The following GDF1 variants were observed in gnomAD, a reference collection of about 807,000 sequenced individuals.
The protein encoded by GDF1 is embryonic growth/differentiation factor 1.
Under a neutral mutation model 7.4 loss-of-function variants are expected in GDF1, and 8 were observed. That is an observed-to-expected ratio of 1.09 (90% CI 0.64 to 1.96). The LOEUF (loss-of-function observed/expected upper bound fraction) is 1.96. Ranked by LOEUF, GDF1 falls within the 30% of genes most tolerant of loss-of-function variation. The pLI, the probability that GDF1 is intolerant of heterozygous loss-of-function variation, is 0.00. For synonymous variants in GDF1, 311 were observed against 276.7 expected (o/e 1.12, Z -1.23); for missense variants, 574 against 551.5 (o/e 1.04, Z -0.41).
chr19:18,881,343 C>T (rs1046914842), intron 3 of GDF1, among the ~76,000 whole-genome samples: 1 of 151,798 alleles, frequency 6.6e-6, no homozygotes, highest in South Asian at 2.1e-4. Flanking sequence ...CCTCAGCCTT[C>T]CCAAGTAGCT....
intron 6 of GDF1, among the ~76,000 whole-genome samples, chr19:18,871,574 T>G (rs949590078): frequency 2.6e-5 from 4 of 152,106 alleles, no homozygotes; most frequent in Non-Finnish European, 5.9e-5. Context: ...GTTGTAGAGG[T>G]GAGGTTGCTA....
chr19:18,885,686 A>AT (rs920494581), intron 2 of GDF1, among the ~76,000 whole-genome samples: 2,360 of 141,260 alleles, frequency 0.017, 61 homozygotes, highest in African/African-American at 0.056. Flanking sequence ...TGCCTGGCTA[A>AT]TTTTTTTTTT....
intron 2 of GDF1, among the ~76,000 whole-genome samples, chr19:18,888,842 C>A (rs562674786): frequency 1.3e-5 from 2 of 150,546 alleles, no homozygotes; most frequent in Non-Finnish European, 3.0e-5. Context: ...AAAAAACAAA[C>A]AACAAACAAA....
intron 2 of GDF1, among the ~76,000 whole-genome samples, chr19:18,893,002 T>C (rs1053873456): frequency 1.4e-5 from 2 of 148,092 alleles, no homozygotes; most frequent in African/African-American, 5.0e-5. Context: ...CTGCAACCTC[T>C]GCCTCCCAGG....
chr19:18,880,349 T>C lies in GDF1; in HGVS notation c.-646A>G. 6.4e-7 allele frequency: 1 copy of C among 1,565,006 alleles called. No individual in the cohort carries two copies. ...CCGATGGTAGGAGCCGCCGCGGGAC[T>C]TGAAGTAAATGTTGAGCTTGGTGAA... On this transcript the variant is annotated 5_prime_UTR_variant, in exon 4 of 8. Transcript: ENST00000247005.
chr19:18,885,182 T>C (rs912093704), intron 2 of GDF1, among the ~76,000 whole-genome samples: 4 of 152,182 alleles, frequency 2.6e-5, no homozygotes, highest in Non-Finnish European at 1.5e-5. Context: ...GACACATTAT[T>C]ATCATTATAT....
chr19:18,880,263 C>CT lies in GDF1; in HGVS notation c.-571+10dup. The CT allele has an allele frequency of 6.5e-7, 1 of 1,545,784 alleles. No individual in the cohort carries two copies. Among genetic ancestry groups the CT allele is most frequent in the Non-Finnish European group, 8.7e-7 (1 of 1,144,604 alleles). ...CACCTCCCTCCCTGCCCAGCACTCC[C>CT]TACCACTCACCAGCTGAAGCCGAAG... is the stretch of plus-strand genomic sequence containing the variant. On this transcript the variant is annotated intron_variant, in intron 4 of 7. Coordinates refer to ENST00000247005, the MANE Select transcript of GDF1 (RefSeq NM_001492.6).
At chr19:18,877,498 C>T (rs377141562) in intron 6 of GDF1, among the ~76,000 whole-genome samples, 13 of 152,294 alleles carry the variant, frequency 8.5e-5, no homozygotes, top group African/African-American at 3.1e-4. Context: ...TGCCTGTAAT[C>T]CCAGCAGCTT....
chr19:18,893,922 T>C (rs954850306), intron 1 of GDF1, among the ~76,000 whole-genome samples: 1 of 146,946 alleles, frequency 6.8e-6, no homozygotes, highest in Admixed American at 6.8e-5. Context: ...GGGGTGACCC[T>C]TGAAGGGAAC....
At chr19:18,879,587 C>T (rs7252796) in intron 4 of GDF1, among the ~76,000 whole-genome samples, 199 bp from the exon 5 acceptor site, 122,542 of 138,080 alleles carry the variant, frequency 0.89, 54,439 homozygotes, top group Admixed American at 0.91. Flanking sequence ...CATCCTTCCC[C>T]GCCTGGCCCC....
chr19:18,895,524 A>T lies in GDF1; in HGVS notation c.-1074+300T>A, dbSNP rs1229900191. ...TGCCTCGGTCCCCCACGTCTCAAAC[A>T]TCCCACCTGTCTCGGGCCCCCCATG... is the stretch of plus-strand genomic sequence containing the variant. On this transcript the variant is annotated intron_variant, in intron 1 of 7. Coordinates refer to ENST00000247005, the MANE Select transcript of GDF1 (RefSeq NM_001492.6). The surrounding 1 kb of genome is among the most constrained non-coding windows in gnomAD (Gnocchi z 6.4). 6.6e-6 allele frequency among the ~76,000 whole-genome samples: 1 copy of T among 151,004 alleles called. No homozygotes were observed. The highest frequency in any genetic ancestry group is 1.5e-5 in the Non-Finnish European group (1 of 67,716).
chr19:18,880,823 G>A (rs1452065192), intron 3 of GDF1, among the ~76,000 whole-genome samples: 2 of 151,960 alleles, frequency 1.3e-5, no homozygotes, highest in African/African-American at 4.8e-5. Flanking sequence ...TCAGCCCCCG[G>A]AGAAGCTGGG....
At position 18,869,472 on chromosome 19, in the gene GDF1, G is replaced by A. The variant is rs1302287824; in HGVS notation, c.326-82C>T. On this transcript the variant is annotated intron_variant, in intron 7 of 7. Transcript: ENST00000247005. Reference sequence around the variant, plus strand: ...GTCTCGGTTAGGGACAGGGAGGAAGGTGAACGCTGGGGCTCGGGGCGCACC... The same window carrying A: ...GTCTCGGTTAGGGACAGGGAGGAAGATGAACGCTGGGGCTCGGGGCGCACC... The A allele has an allele frequency of 4.7e-6, 7 of 1,476,786 alleles. No individual in the cohort carries two copies. In the African/African-American group the frequency reaches 5.7e-5, roughly 12 times the overall value. 91.5% of individuals were successfully genotyped at this position (1,476,786 alleles called of 1,614,324 possible).
intron 2 of GDF1, 59 bp from the exon 3 acceptor site, chr19:18,884,326 A>G: frequency 6.6e-7 from 1 of 1,508,216 alleles, no homozygotes; most frequent in Non-Finnish European, 8.9e-7. Flanking sequence ...GATCGCCTCC[A>G]TGACCCGGTG....
rs1400318570 is a variant in GDF1 at position 18,895,753 on chromosome 19, C to T, written c.-1074+71G>A. On this transcript the variant is annotated intron_variant, in intron 1 of 7. Transcript: ENST00000247005. This position sits in a 1 kb window ranked among gnomAD's most constrained non-coding sequence, Gnocchi z 6.4. Reference sequence around the variant, plus strand: ...GCGCTGGAAGAAAGGAACGCGCCGGCGGCCCCAGGTCCCCGGTCCCGGCTT... The same window carrying T: ...GCGCTGGAAGAAAGGAACGCGCCGGTGGCCCCAGGTCCCCGGTCCCGGCTT... 3 of 847,956 alleles carry T rather than the reference C, an allele frequency of 3.5e-6. No homozygotes were observed. Among genetic ancestry groups the T allele is most frequent in the African/African-American group, 1.9e-5 (1 of 53,366 alleles). The allele number at this position is 847,956 out of a possible 1,614,324, so 52.5% of individuals were successfully genotyped here. A position where few individuals can be genotyped will look rare whatever the true frequency, so the allele number is the denominator to read the frequency against.
In GDF1 at chr19:18,870,222, G is replaced by A. The variant is rs775090073; in HGVS notation, c.86C>T (p.Ala29Val). The change falls in exon 7 of 8, where the codon GCC (alanine) becomes GTC (valine). Residue 29 changes from alanine (A) to valine (V), a missense_variant. Transcript: ENST00000247005. The surrounding 1 kb of genome is among the most constrained non-coding windows in gnomAD (Gnocchi z 5.1). ...GGCGGCTGGGCCTGGGGGCACGGGG[G>A]CGCGGGTCAGGGGCAGCGAGGGCAG... ...LLLPSLPLTR[A>V]PVPPGPAAAL... The A allele has an allele frequency of 3.9e-6, 6 of 1,555,114 alleles. No homozygotes were observed. The highest frequency in any genetic ancestry group is 1.9e-5 in the Admixed American group (1 of 51,648).
In GDF1 at chr19:18,880,432, G is replaced by A. The variant is rs754098245; in HGVS notation, c.-729C>T. ...AGAGCACAAGGATGCCCACATTGTGGTACCTGGGGGAGCAGCAGGCAGAGA... is the reference window on the plus strand; with the variant it reads ...AGAGCACAAGGATGCCCACATTGTGATACCTGGGGGAGCAGCAGGCAGAGA... On this transcript the variant is annotated 5_prime_UTR_variant, in exon 4 of 8. Transcript: ENST00000247005. The A allele has an allele frequency of 1.9e-6, 3 of 1,581,002 alleles. No homozygotes were observed. Among genetic ancestry groups the A allele is most frequent in the Non-Finnish European group, 2.6e-6 (3 of 1,160,984 alleles).
intron 2 of GDF1, among the ~76,000 whole-genome samples, chr19:18,891,255 A>G (rs2056483348): frequency 6.6e-6 from 1 of 152,206 alleles, no homozygotes; most frequent in Non-Finnish European, 1.5e-5. Context: ...TGGGTGGCAC[A>G]TCCACTGTAC....
rs962221165 is a variant in GDF1, at chr19:18,878,417, C to A, written c.-313+513G>T. The A allele has an allele frequency of 5.2e-5, 52 of 990,704 alleles. No individual in the cohort carries two copies. Among genetic ancestry groups the A allele is most frequent in the Non-Finnish European group, 6.0e-5 (50 of 833,186 alleles). The allele number at this position is 990,704 out of a possible 1,614,324, so 61.4% of individuals were successfully genotyped here. ...CCTGGGCTGGACTGAGTCTGAGCTCCCAGCCCCAGCTCCTGTTTGGCCGGG... is the reference window on the plus strand; with the variant it reads ...CCTGGGCTGGACTGAGTCTGAGCTCACAGCCCCAGCTCCTGTTTGGCCGGG... On this transcript the variant is annotated intron_variant, in intron 6 of 7. Coordinates refer to ENST00000247005, the MANE Select transcript of GDF1 (RefSeq NM_001492.6). This position sits in a 1 kb window ranked among gnomAD's most constrained non-coding sequence, Gnocchi z 4.6.
Sources: allele counts gnomAD v4.1 joint callset (sites outside exome capture counted in the v4.1 genomes callset), GRCh38; gene constraint gnomAD v4.1.1; non-coding constraint Gnocchi (gnomAD v3.1); transcripts MANE v1.5; gene names NCBI Gene and HGNC (gene_info 2026-07-23, HGNC 2026-07-21).